GALNTL6: variants seen among roughly 807,000 people sequenced by gnomAD.
GALNTL6 encodes polypeptide N-acetylgalactosaminyltransferase like 6.
GALNTL6 carries 46 observed loss-of-function variants against 73.7 expected under a neutral mutation model. That is an observed-to-expected ratio of 0.62 (90% CI 0.49 to 0.80). The LOEUF (loss-of-function observed/expected upper bound fraction) is 0.80, where lower values mean the gene tolerates loss of function less well. Among genes scored for constraint, GALNTL6 ranks in the 30% least tolerant of loss-of-function variants. GALNTL6 has a pLI of 0.00. For missense variants in GALNTL6, 604 were observed against 755.0 expected, an observed-to-expected ratio of 0.80 and a Z score of 2.34; for synonymous variants, 259 against 263.7, an observed-to-expected ratio of 0.98 and a Z score of 0.17.
Position 172,961,759 on chromosome 4 carries a change from T to A in GALNTL6, c.1371+9501T>A, listed in dbSNP as rs189070776. Among the ~76,000 whole-genome samples the A allele has an allele frequency of 5.3e-3, 800 of 152,300 alleles. 10 individuals are homozygous for A. The highest frequency in any genetic ancestry group is 0.018 in the African/African-American group (753 of 41,562). On this transcript the variant is annotated intron_variant, in intron 10 of 12. Coordinates refer to ENST00000506823, the MANE Select transcript of GALNTL6 (RefSeq NM_001034845.3). ...TAAAGAGAGGCTGCTTACCAGATTT[T>A]AAATTGGTGAGATGTTCCTTGGGCT...
intron 4 of GALNTL6, among the ~76,000 whole-genome samples, chr4:172,317,673 G>A (rs1410295430): frequency 2.6e-5 from 4 of 152,234 alleles, no homozygotes; most frequent in East Asian, 3.9e-4. Context: ...GTAGAAAAAT[G>A]TGATCCGTTT....
chr4:172,287,298 A>G (rs1471642952), intron 3 of GALNTL6, among the ~76,000 whole-genome samples: 2 of 152,170 alleles, frequency 1.3e-5, no homozygotes, highest in Admixed American at 6.5e-5. Flanking sequence ...TCCCTAGCCC[A>G]TGCAACTAGG....
chr4:172,085,528 A>G (rs1361912971), intron 2 of GALNTL6, among the ~76,000 whole-genome samples: 2 of 150,934 alleles, frequency 1.3e-5, no homozygotes, highest in Non-Finnish European at 2.9e-5. Flanking sequence ...TCTCAAAAAT[A>G]TGTATATATA....
chr4:172,556,202 G>C (rs1190671772), intron 5 of GALNTL6, among the ~76,000 whole-genome samples: 1 of 152,020 alleles, frequency 6.6e-6, no homozygotes, highest in Non-Finnish European at 1.5e-5. Context: ...TAGTAGACCT[G>C]AGTACAAAAT....
intron 5 of GALNTL6, among the ~76,000 whole-genome samples, chr4:172,608,809 G>T (rs1325690048): frequency 2.0e-5 from 3 of 152,132 alleles, no homozygotes; most frequent in Non-Finnish European, 4.4e-5. Context: ...TCTTTCAGCA[G>T]TGTTTTGTAA....
intron 3 of GALNTL6, among the ~76,000 whole-genome samples, chr4:172,297,392 G>A (rs1428163748): frequency 6.6e-6 from 1 of 152,016 alleles, no homozygotes; most frequent in Non-Finnish European, 1.5e-5. Context: ...GGCTTTTGTT[G>A]CCATTGCTTT....
At chr4:172,861,003 G>T (rs1452894113) in intron 7 of GALNTL6, among the ~76,000 whole-genome samples, 1 of 152,134 alleles carries the variant, frequency 6.6e-6, no homozygotes. Flanking sequence ...CAGCAATATT[G>T]ATAAGCTTGA....
At chr4:172,303,990 T>C (rs577318578) in intron 3 of GALNTL6, among the ~76,000 whole-genome samples, 2 of 152,298 alleles carry the variant, frequency 1.3e-5, no homozygotes, top group South Asian at 4.1e-4. Flanking sequence ...ACTTTGCTAA[T>C]GATTTCTCAC....
chr4:173,036,083 T>C (rs1490447759), intron 12 of GALNTL6, among the ~76,000 whole-genome samples: 4 of 152,144 alleles, frequency 2.6e-5, no homozygotes, highest in Non-Finnish European at 5.9e-5. Context: ...TAACCTGAGG[T>C]TCAGAAAATT....
At position 172,288,347 on chromosome 4, in the gene GALNTL6, T is replaced by TC. The variant is rs375556060; in HGVS notation, c.248-23264dup. Among the ~76,000 whole-genome samples, 1,301 of 152,284 alleles carry TC rather than the reference T, an allele frequency of 8.5e-3. 15 individuals carry two copies. The highest frequency in any genetic ancestry group is 0.024 in the African/African-American group (1,011 of 41,552). On this transcript the variant is annotated intron_variant, in intron 3 of 12. Transcript: ENST00000506823. ...ACCTCGTGATCCGCCTGCCTCGGCC[T>TC]CCCAAAGTGCTGGGATTACAGGCAT...
At chr4:172,917,892 T>A (rs1247002728) in intron 8 of GALNTL6, among the ~76,000 whole-genome samples, 1 of 152,188 alleles carries the variant, frequency 6.6e-6, no homozygotes, top group African/African-American at 2.4e-5. Flanking sequence ...AGTGATCCCA[T>A]TACTGGGTAT....
intron 3 of GALNTL6, among the ~76,000 whole-genome samples, chr4:172,301,191 T>C (rs1739903891): frequency 6.6e-6 from 1 of 152,224 alleles, no homozygotes; most frequent in Admixed American, 6.5e-5. Context: ...CGTCACGTAG[T>C]TCTTGTGGCA....
At chr4:172,496,835 A>G (rs1442652531) in intron 5 of GALNTL6, among the ~76,000 whole-genome samples, 1 of 152,208 alleles carries the variant, frequency 6.6e-6, no homozygotes, top group Non-Finnish European at 1.5e-5. Flanking sequence ...AGATTTTGGG[A>G]AAATAACTTA....
intron 5 of GALNTL6, among the ~76,000 whole-genome samples, chr4:172,527,813 G>A (rs1046383961): frequency 1.3e-5 from 2 of 152,042 alleles, no homozygotes; most frequent in African/African-American, 4.8e-5. Flanking sequence ...CCATGAGGTT[G>A]AAACATTATA....
intron 2 of GALNTL6, among the ~76,000 whole-genome samples, chr4:172,227,167 G>C (rs1403454925): frequency 6.6e-6 from 1 of 152,120 alleles, no homozygotes; most frequent in Non-Finnish European, 1.5e-5. Context: ...CATGGTTACT[G>C]GGTGTGCACC....
At chr4:172,624,645 C>T (rs1323518935) in intron 5 of GALNTL6, among the ~76,000 whole-genome samples, 1 of 152,014 alleles carries the variant, frequency 6.6e-6, no homozygotes, top group Non-Finnish European at 1.5e-5. Context: ...AGGAGACTAA[C>T]AAGTATCTAC....
At position 171,839,696 on chromosome 4, in the gene GALNTL6, A is replaced by C. The variant is rs1735191987; in HGVS notation, c.138+24978A>C. Among the ~76,000 whole-genome samples, 4 of 151,830 alleles carry C rather than the reference A, an allele frequency of 2.6e-5. 1 individual carries two copies. The South Asian group carries it at 8.3e-4, about 32-fold the overall frequency. On this transcript the variant is annotated intron_variant, in intron 2 of 12. Coordinates refer to ENST00000506823, the MANE Select transcript of GALNTL6 (RefSeq NM_001034845.3). The stretch of plus-strand genomic sequence containing the variant: ...ATTGCAGCAAAAAAAAAAAAGATGT[A>C]ATAAAAATGAACATGAAAATTTTGA...
At chr4:172,328,561 A>T (rs527546952) in intron 4 of GALNTL6, among the ~76,000 whole-genome samples, 2 of 151,958 alleles carry the variant, frequency 1.3e-5, no homozygotes, top group South Asian at 4.2e-4. Flanking sequence ...ACATAATCTC[A>T]CATTTCTTGG....
At chr4:172,094,949 T>A (rs1385625082) in intron 2 of GALNTL6, among the ~76,000 whole-genome samples, 1 of 151,734 alleles carries the variant, frequency 6.6e-6, no homozygotes, top group African/African-American at 2.4e-5. Flanking sequence ...TAGTTTTTTG[T>A]TTTTTGTTTT....
Sources: gnomAD v4.1 joint callset for allele counts (sites outside exome capture counted in the v4.1 genomes callset) on GRCh38, gnomAD v4.1.1 for gene constraint, MANE v1.5 for transcripts, NCBI Gene and HGNC (gene_info 2026-07-23, HGNC 2026-07-21) for gene names.